The following DZANK1 variants were observed in gnomAD, a reference collection of about 807,000 sequenced individuals.
The protein encoded by DZANK1 is double zinc ribbon and ankyrin repeat-containing protein 1.
A neutral mutation model predicts 94.5 loss-of-function variants in DZANK1; 91 were observed. The observed-to-expected ratio is 0.96, with a 90% CI of 0.81 to 1.15. DZANK1 has a LOEUF of 1.15. Ranked by LOEUF, DZANK1 falls within the 50% of genes most tolerant of loss-of-function variation. The pLI, the probability that DZANK1 is intolerant of heterozygous loss-of-function variation, is 0.00. For missense variants in DZANK1, 903 were observed against 916.4 expected (o/e 0.99, Z 0.19); for synonymous variants, 312 against 325.3 (o/e 0.96, Z 0.44).
intron 8 of DZANK1, among the ~76,000 whole-genome samples, chr20:18,434,869 G>A (rs1174027377): frequency 6.6e-6 from 1 of 152,210 alleles, no homozygotes; most frequent in Non-Finnish European, 1.5e-5. Context: ...AGGAAGACCA[G>A]TGGTCCCCTA....
rs16979035 is a variant in DZANK1, at chr20:18,388,493, C to T, written c.2018+1208G>A. On this transcript the variant is annotated intron_variant, in intron 19 of 20. Coordinates refer to ENST00000262547, the Ensembl canonical transcript of DZANK1. ...GCTGCTTACACTTCAATTCAAAATG[C>T]GCTCAAGTAATTTCTGTATCAACCA... Among the ~76,000 whole-genome samples, 396 of 152,306 alleles carry T rather than the reference C, an allele frequency of 2.6e-3. 5 individuals are homozygous for T. Among genetic ancestry groups the T allele is most frequent in the Admixed American group, 0.021 (324 of 15,302 alleles).
rs755069971 is a variant in DZANK1 at position 18,412,669 on chromosome 20, AG to A, written c.1408del (p.Leu470Ter). 1 of 1,612,894 alleles carries A rather than the reference AG, an allele frequency of 6.2e-7. No homozygotes were observed. Among genetic ancestry groups the A allele is most frequent in the South Asian group, 1.1e-5 (1 of 91,030 alleles). On this transcript the variant is annotated frameshift_variant, in exon 13 of 21. Transcript: ENST00000262547. LOFTEE classifies it high-confidence loss of function. ...ACCTCTTCCTGGGCTGATGGCTGTC[AG>A]GAGGGGTTTATGGTCACTCATTTTC...
intron 14 of DZANK1, 147 bp from the exon 15 acceptor site, chr20:18,396,693 G>T: frequency 1.8e-6 from 1 of 552,084 alleles, no homozygotes; most frequent in South Asian, 2.9e-5. Flanking sequence ...GAAAAACAGA[G>T]CAACAAAAAC....
chr20:18,431,694 C>A (rs1273184568), intron 9 of DZANK1, among the ~76,000 whole-genome samples: 1 of 152,192 alleles, frequency 6.6e-6, no homozygotes. Flanking sequence ...CTCTACAAAT[C>A]AAGTCTGGTT....
intron 6 of DZANK1, among the ~76,000 whole-genome samples, chr20:18,451,083 C>T (rs1428863021): frequency 6.6e-6 from 1 of 152,052 alleles, no homozygotes. Context: ...GTAGCTGGGA[C>T]TACAGGTGCG....
intron 7 of DZANK1, among the ~76,000 whole-genome samples, chr20:18,444,968 T>G (rs1028353031): frequency 1.4e-5 from 2 of 143,756 alleles, no homozygotes; most frequent in African/African-American, 5.1e-5. Flanking sequence ...GCCCGGCTAA[T>G]TTTTTTTTTT....
intron 10 of DZANK1, chr20:18,420,127 CCTT>C (rs1456823447): frequency 2.4e-5 from 4 of 168,996 alleles, no homozygotes; most frequent in African/African-American, 4.8e-5. Context: ...TTTTGTGCAT[CCTT>C]CTTCTTATTC....
intron 2 of DZANK1, 104 bp from the exon 3 acceptor site, chr20:18,460,410 A>C: frequency 1.1e-6 from 1 of 890,488 alleles, no homozygotes; most frequent in East Asian, 2.9e-5. Context: ...TTTAAGATTT[A>C]AAGTTGTGAT....
chr20:18,435,853 T>A (rs950565509), intron 8 of DZANK1, among the ~76,000 whole-genome samples: 1 of 149,224 alleles, frequency 6.7e-6, no homozygotes, highest in Non-Finnish European at 1.5e-5. Context: ...TTAAAAAAAA[T>A]AAAAAGCCTG....
intron 8 of DZANK1, 87 bp downstream of exon 8, chr20:18,443,260 G>A: frequency 1.1e-6 from 1 of 880,502 alleles, no homozygotes; most frequent in Non-Finnish European, 1.8e-6. Flanking sequence ...TATATGTGCA[G>A]TTCATGTGTA....
chr20:18,389,378 T>C (rs943692444), intron 19 of DZANK1, among the ~76,000 whole-genome samples: 1 of 152,226 alleles, frequency 6.6e-6, no homozygotes, highest in Non-Finnish European at 1.5e-5. Context: ...GTTTTCACGA[T>C]TCATGATGAA....
At chr20:18,433,811 G>C (rs766208477) in intron 8 of DZANK1, 46 bp from the exon 9 acceptor site, 2 of 1,505,322 alleles carry the variant, frequency 1.3e-6, no homozygotes, top group Non-Finnish European at 1.8e-6. Flanking sequence ...AAAAACTGAA[G>C]GTATGAATAG....
chr20:18,400,782 A>G (rs1391689196), intron 13 of DZANK1, among the ~76,000 whole-genome samples: 1 of 152,206 alleles, frequency 6.6e-6, no homozygotes, highest in Non-Finnish European at 1.5e-5. Context: ...TTGGTCATGT[A>G]CTATTCTAGG....
At chr20:18,414,459 G>T in exon 12 of DZANK1, 2 of 1,613,676 alleles carry the variant, frequency 1.2e-6, no homozygotes, top group Non-Finnish European at 1.7e-6. Context: ...GGGCAGACAG[G>T]TGATTGCTGG....
At chr20:18,384,403 C>G (rs777643959) in exon 21 of DZANK1, 4 of 1,609,862 alleles carry the variant, frequency 2.5e-6, no homozygotes, top group Non-Finnish European at 3.4e-6. Flanking sequence ...TCAGGGCTAA[C>G]AGTCATCCAG....
intron 19 of DZANK1, among the ~76,000 whole-genome samples, chr20:18,387,121 T>TG (rs749424040): frequency 3.3e-5 from 5 of 152,284 alleles, no homozygotes; most frequent in Non-Finnish European, 7.4e-5. Context: ...TATGGTTCCT[T>TG]GGGCCTTTAT....
intron 1 of DZANK1, among the ~76,000 whole-genome samples, chr20:18,466,057 G>C (rs780304937): frequency 6.6e-6 from 1 of 152,164 alleles, no homozygotes; most frequent in Admixed American, 6.5e-5. Flanking sequence ...AGCCTTACTG[G>C]TCTTTTTGGA....
chr20:18,392,919 G>T (rs2056100360), intron 17 of DZANK1, among the ~76,000 whole-genome samples: 1 of 152,230 alleles, frequency 6.6e-6, no homozygotes. Flanking sequence ...GTTGGGCGTA[G>T]CCTGAATGCA....
In DZANK1 at chr20:18,390,564, A is replaced by G. The variant is rs2055905139; in HGVS notation, c.1810-105T>C. 9.5e-6 allele frequency: 10 copies of G among 1,050,574 alleles called. No individual in the cohort carries two copies. In the Admixed American group the frequency reaches 1.6e-4, roughly 17 times the overall value. The allele number at this position is 1,050,574 out of a possible 1,614,324, so 65.1% of individuals were successfully genotyped here. A position where few individuals can be genotyped will look rare whatever the true frequency, so the allele number is the denominator to read the frequency against. ...TTCTAAGTCACAAGGACAGGTGACTATGAGTGTGTGCATGTGTGAGTGTGT... is the reference window on the plus strand; with the variant it reads ...TTCTAAGTCACAAGGACAGGTGACTGTGAGTGTGTGCATGTGTGAGTGTGT... On this transcript the variant is annotated intron_variant, in intron 17 of 20. Coordinates refer to ENST00000262547, the Ensembl canonical transcript of DZANK1.
Sources: gnomAD v4.1 joint callset for allele counts (sites outside exome capture counted in the v4.1 genomes callset) on GRCh38, gnomAD v4.1.1 for gene constraint, MANE v1.5 for transcripts, NCBI Gene and HGNC (gene_info 2026-07-23, HGNC 2026-07-21) for gene names.